BRINP2: variants seen among roughly 807,000 people sequenced by gnomAD.
BRINP2 encodes the protein BMP/retinoic acid inducible neural specific 2.
Under a neutral mutation model 69.2 loss-of-function variants are expected in BRINP2, and 21 were observed. The ratio of observed to expected loss-of-function variants is 0.30; its 90% CI spans 0.22 to 0.44. The LOEUF (loss-of-function observed/expected upper bound fraction) is 0.44. BRINP2 is among the 20% of genes least tolerant of loss of function. The pLI is 1.00. For missense variants in BRINP2, 877 were observed against 986.0 expected, an observed-to-expected ratio of 0.89 and a Z score of 1.48; for synonymous variants, 380 against 394.1, an observed-to-expected ratio of 0.96 and a Z score of 0.42.
chr1:177,227,272 G>A (rs1389753846), intron 1 of BRINP2, among the ~76,000 whole-genome samples: 1 of 152,208 alleles, frequency 6.6e-6, no homozygotes, highest in Non-Finnish European at 1.5e-5. Flanking sequence ...TGTGTTGGCT[G>A]CCTTGGCCTC....
intron 3 of BRINP2, chr1:177,256,759 C>T: frequency 9.2e-7 from 1 of 1,089,408 alleles, no homozygotes. Context: ...TGTCGGCACG[C>T]GGCAGGTGTT....
At chr1:177,230,622 G>A (rs1649837989) in intron 2 of BRINP2, among the ~76,000 whole-genome samples, 1 of 152,226 alleles carries the variant, frequency 6.6e-6, no homozygotes, top group South Asian at 2.1e-4. Flanking sequence ...GAACAAACCT[G>A]TCCTTACCCT....
intron 1 of BRINP2, among the ~76,000 whole-genome samples, chr1:177,201,343 CA>C (rs1489528924): frequency 6.6e-6 from 1 of 152,132 alleles, no homozygotes; most frequent in East Asian, 1.9e-4. Context: ...ACGCTTCAGG[CA>C]ATTTTGGCTT....
intron 2 of BRINP2, among the ~76,000 whole-genome samples, chr1:177,253,807 C>G (rs1015331071): frequency 8.6e-5 from 13 of 151,922 alleles, no homozygotes; most frequent in African/African-American, 2.9e-4. Context: ...ATGTGTGTTC[C>G]TGGCACCTTT....
Position 177,259,680 on chromosome 1 carries a change from C to T in BRINP2, c.669+2296C>T, listed in dbSNP as rs1259426095. ...TTTAGCATTCTGAAAATCCTAGGGC[C>T]CTTAAGAATTATGCTGAATCTCCTC... On this transcript the variant is annotated intron_variant, in intron 4 of 7. Coordinates refer to ENST00000361539, the MANE Select transcript of BRINP2 (RefSeq NM_021165.4). Among the ~76,000 whole-genome samples, 3 of 152,080 alleles carry T rather than the reference C, an allele frequency of 2.0e-5. No homozygotes were observed. In the East Asian group the frequency reaches 5.8e-4, roughly 29 times the overall value.
chr1:177,194,660 G>T lies in BRINP2; in HGVS notation c.-77+22928G>T, dbSNP rs181956137. Among the ~76,000 whole-genome samples the T allele has an allele frequency of 2.0e-5, 3 of 152,200 alleles. No individual in the cohort carries two copies. The East Asian group carries it at 5.8e-4, about 29-fold the overall frequency. On this transcript the variant is annotated intron_variant, in intron 1 of 7. Transcript: ENST00000361539. ...CTTCATTTTTTCCCTCTCCTGAACA[G>T]CTTCCCATGACTAAGAAGATTTAAC...
rs114109888 is a variant in BRINP2, at chr1:177,187,279, T to C, written c.-77+15547T>C. On this transcript the variant is annotated intron_variant, in intron 1 of 7. Coordinates refer to ENST00000361539, the MANE Select transcript of BRINP2 (RefSeq NM_021165.4). The stretch of plus-strand genomic sequence containing the variant: ...CCTAACAGAAAATGCTTACGGCACA[T>C]CCAGGCTGGCTGGCCTATCATCAGT... Among the ~76,000 whole-genome samples the C allele has an allele frequency of 3.3e-3, 509 of 152,196 alleles. 3 individuals carry two copies. Among genetic ancestry groups the C allele is most frequent in the African/African-American group, 0.012 (486 of 41,510 alleles).
rs537810325 is a variant in BRINP2, at chr1:177,279,316, G to A, written c.1235+531G>A. Among the ~76,000 whole-genome samples the A allele has an allele frequency of 3.9e-5, 6 of 152,320 alleles. No homozygotes were observed. The South Asian group carries it at 1.2e-3, about 32-fold the overall frequency. ...GTATTCCATGCCTTACTATTAAGCT[G>A]CAGGGGTATTCATGAATTGGAAAGA... On this transcript the variant is annotated intron_variant, in intron 7 of 7. Coordinates refer to ENST00000361539, the MANE Select transcript of BRINP2 (RefSeq NM_021165.4).
intron 1 of BRINP2, among the ~76,000 whole-genome samples, chr1:177,185,113 C>T (rs1323174106): frequency 2.0e-5 from 3 of 151,774 alleles, no homozygotes; most frequent in Non-Finnish European, 2.9e-5. Flanking sequence ...ATATTAACGT[C>T]GCCTAAGTGG....
At chr1:177,248,749 C>T (rs1344642749) in intron 2 of BRINP2, among the ~76,000 whole-genome samples, 1 of 152,144 alleles carries the variant, frequency 6.6e-6, no homozygotes, top group Non-Finnish European at 1.5e-5. Context: ...TTCTTGTTGA[C>T]CTTGTGTAAC....
At chr1:177,270,202 A>T (rs951945894) in intron 4 of BRINP2, among the ~76,000 whole-genome samples, 1 of 152,080 alleles carries the variant, frequency 6.6e-6, no homozygotes, top group Admixed American at 6.5e-5. Context: ...AAGGGAGAAG[A>T]CAGTGTGTCA....
intron 1 of BRINP2, among the ~76,000 whole-genome samples, chr1:177,223,908 T>C (rs1490399272): frequency 1.3e-5 from 2 of 152,012 alleles, no homozygotes; most frequent in Non-Finnish European, 2.9e-5. Context: ...CTGCTCAGGT[T>C]CAAATGGAAG....
intron 2 of BRINP2, among the ~76,000 whole-genome samples, chr1:177,249,199 C>T (rs1650501766): frequency 6.6e-6 from 1 of 152,142 alleles, no homozygotes; most frequent in African/African-American, 2.4e-5. Context: ...TTATCCCTTT[C>T]CTGGACATTG....
chr1:177,238,786 C>G (rs1016521730), intron 2 of BRINP2, among the ~76,000 whole-genome samples: 1 of 152,246 alleles, frequency 6.6e-6, no homozygotes. Flanking sequence ...AAAGCATTCT[C>G]TCTGTACTAT....
intron 4 of BRINP2, among the ~76,000 whole-genome samples, chr1:177,268,004 C>G (rs994988595): frequency 6.6e-6 from 1 of 152,080 alleles, no homozygotes; most frequent in Non-Finnish European, 1.5e-5. Flanking sequence ...CATGAAAAAA[C>G]AAGGATGATT....
intron 3 of BRINP2, 67 bp downstream of exon 3, chr1:177,256,176 T>C: frequency 6.5e-7 from 1 of 1,544,410 alleles, no homozygotes; most frequent in East Asian, 2.3e-5. Context: ...AAGACTCGTG[T>C]AGCGTAGCTC....
At chr1:177,173,561 G>T (rs1648003322) in intron 1 of BRINP2, among the ~76,000 whole-genome samples, 1 of 152,210 alleles carries the variant, frequency 6.6e-6, no homozygotes, top group South Asian at 2.1e-4. Context: ...GGCTGGGGAA[G>T]GAGGAAGGTT....
intron 1 of BRINP2, among the ~76,000 whole-genome samples, chr1:177,227,137 G>A (rs150326365): frequency 7.9e-5 from 12 of 152,208 alleles, no homozygotes; most frequent in Admixed American, 5.2e-4. Context: ...ATACTCACAG[G>A]TCCTGCCCAT....
intron 5 of BRINP2, among the ~76,000 whole-genome samples, 178 bp downstream of exon 5, chr1:177,273,771 CCTT>C (rs1651409695): frequency 6.6e-6 from 1 of 152,190 alleles, no homozygotes; most frequent in South Asian, 2.1e-4. Context: ...TTTTAAGAAA[CCTT>C]CTGGTATGGT....
Sources: gnomAD v4.1 joint callset for allele counts (sites outside exome capture counted in the v4.1 genomes callset) on GRCh38, gnomAD v4.1.1 for gene constraint, MANE v1.5 for transcripts, NCBI Gene and HGNC (gene_info 2026-07-23, HGNC 2026-07-21) for gene names.